SLCO3A1: variants seen among roughly 807,000 people sequenced by gnomAD.
SLCO3A1 encodes the protein solute carrier organic anion transporter family member 3A1.
Under a neutral mutation model 63.1 loss-of-function variants are expected in SLCO3A1, and 27 were observed. That is an observed-to-expected ratio of 0.43 (90% CI 0.32 to 0.59). The LOEUF (loss-of-function observed/expected upper bound fraction) is 0.59. Among genes scored for constraint, SLCO3A1 ranks in the 20% least tolerant of loss-of-function variants. The pLI is 0.09. For synonymous variants in SLCO3A1, 473 were observed against 409.9 expected, an observed-to-expected ratio of 1.15 and a Z score of -1.86; for missense variants, 773 against 945.8, an observed-to-expected ratio of 0.82 and a Z score of 2.40.
At chr15:92,144,733 C>T (rs967353752) in intron 7 of SLCO3A1, among the ~76,000 whole-genome samples, 1 of 152,178 alleles carries the variant, frequency 6.6e-6, no homozygotes, top group South Asian at 2.1e-4. Flanking sequence ...TGCAGGAAAG[C>T]GAATTCGGGG....
rs1293946751 is a variant in SLCO3A1 at position 91,897,962 on chromosome 15, C to T, written c.181-18031C>T. Among the ~76,000 whole-genome samples the T allele has an allele frequency of 6.6e-6, 1 of 152,200 alleles. No homozygotes were observed. Among genetic ancestry groups the T allele is most frequent in the African/African-American group, 2.4e-5 (1 of 41,442 alleles). On this transcript the variant is annotated intron_variant, in intron 1 of 9. Coordinates refer to ENST00000318445, the MANE Select transcript of SLCO3A1 (RefSeq NM_013272.4). The surrounding 1 kb of genome is among the most constrained non-coding windows in gnomAD (Gnocchi z 4.7). Reference sequence around the variant, plus strand: ...CGGGGTTTTTAAATTAGAAAGATATCATGAGATGCAGAAAGCAGGTGCTCA... The same window carrying T: ...CGGGGTTTTTAAATTAGAAAGATATTATGAGATGCAGAAAGCAGGTGCTCA...
At chr15:92,096,206 A>G (rs2151538160) in intron 3 of SLCO3A1, among the ~76,000 whole-genome samples, 1 of 152,262 alleles carries the variant, frequency 6.6e-6, no homozygotes, top group South Asian at 2.1e-4. Flanking sequence ...CCATGGGCCC[A>G]CAGGAGGGGA....
At chr15:91,907,343 T>C (rs368113520) in intron 1 of SLCO3A1, among the ~76,000 whole-genome samples, 107 of 152,046 alleles carry the variant, frequency 7.0e-4, no homozygotes, top group African/African-American at 2.5e-3. Context: ...GTAGCTGGGA[T>C]TACAGGCACC....
rs1249864769 is a variant in SLCO3A1, at chr15:92,150,945, C to T, written c.1689-5C>T. On this transcript the variant is annotated splice_region_variant and splice_polypyrimidine_tract_variant and intron_variant, in intron 8 of 9. Transcript: ENST00000318445. ...TTTTTTTTCTCTTCATCTCTTTGCA[C>T]GTAGGACAGTCAGCCCTGAACTCAA... 3 of 1,604,452 alleles carry T rather than the reference C, an allele frequency of 1.9e-6. No homozygotes were observed. The highest frequency in any genetic ancestry group is 2.2e-5 in the East Asian group (1 of 44,752).
intron 4 of SLCO3A1, among the ~76,000 whole-genome samples, chr15:92,114,282 T>A (rs934754400): frequency 4.6e-5 from 7 of 152,360 alleles, no homozygotes; most frequent in Non-Finnish European, 1.0e-4. Flanking sequence ...TACGAGGCTA[T>A]AACAGTTACC....
chr15:92,019,997 A>C (rs1488418542), intron 2 of SLCO3A1, among the ~76,000 whole-genome samples: 1 of 152,170 alleles, frequency 6.6e-6, no homozygotes, highest in Non-Finnish European at 1.5e-5. Context: ...CGACATGGAT[A>C]CAGAGCCCTG....
At chr15:92,075,145 C>T (rs571712347) in intron 2 of SLCO3A1, among the ~76,000 whole-genome samples, 2 of 152,324 alleles carry the variant, frequency 1.3e-5, no homozygotes, top group African/African-American at 4.8e-5. Flanking sequence ...TCCTTGTCAC[C>T]TGCTATCTTA....
At chr15:91,994,794 C>T (rs889058997) in intron 2 of SLCO3A1, among the ~76,000 whole-genome samples, 3 of 152,232 alleles carry the variant, frequency 2.0e-5, no homozygotes, top group Non-Finnish European at 2.9e-5. Context: ...GAGTTCCCTT[C>T]CCTTGCTCTG....
intron 2 of SLCO3A1, among the ~76,000 whole-genome samples, chr15:92,058,732 A>G (rs983790875): frequency 3.9e-5 from 6 of 152,190 alleles, no homozygotes; most frequent in Non-Finnish European, 7.4e-5. Context: ...TCACAGTCCT[A>G]GAAGCCAGAA....
intron 3 of SLCO3A1, among the ~76,000 whole-genome samples, chr15:92,103,728 C>T (rs1340704021): frequency 6.6e-6 from 1 of 151,948 alleles, no homozygotes; most frequent in Admixed American, 6.6e-5. Flanking sequence ...AAACCACTGG[C>T]CTAGGGTCAC....
intron 2 of SLCO3A1, among the ~76,000 whole-genome samples, chr15:92,027,308 C>T (rs995607384): frequency 1.3e-5 from 2 of 152,234 alleles, no homozygotes; most frequent in Admixed American, 6.5e-5. Context: ...TTCTAAACAA[C>T]ACCACATTGC....
intron 8 of SLCO3A1, chr15:92,149,889 C>T (rs2048281401): frequency 6.6e-6 from 1 of 152,118 alleles, no homozygotes; most frequent in Non-Finnish European, 1.5e-5. Context: ...TCTTTCAAGT[C>T]AGTGCTTTCA....
At position 91,894,448 on chromosome 15, in the gene SLCO3A1, C is replaced by G. The variant is rs549870638; in HGVS notation, c.181-21545C>G. On this transcript the variant is annotated intron_variant, in intron 1 of 9. Transcript: ENST00000318445. This position sits in a 1 kb window ranked among gnomAD's most constrained non-coding sequence, Gnocchi z 4.8. ...GTATCTCAGGTGAGGGGTTGATGGT[C>G]GCCAGGTCATAGGTGGTAGCAGTGG... is the stretch of plus-strand genomic sequence containing the variant. Among the ~76,000 whole-genome samples the G allele has an allele frequency of 6.6e-6, 1 of 152,034 alleles. No homozygotes were observed. The highest frequency in any genetic ancestry group is 2.1e-4 in the South Asian group (1 of 4,802).
In SLCO3A1 at chr15:91,900,831, T is replaced by G. The variant is rs1471505594; in HGVS notation, c.181-15162T>G. Among the ~76,000 whole-genome samples, 1 of 152,244 alleles carries G rather than the reference T, an allele frequency of 6.6e-6. No individual in the cohort carries two copies. The highest frequency in any genetic ancestry group is 1.5e-5 in the Non-Finnish European group (1 of 68,042). The stretch of plus-strand genomic sequence containing the variant: ...AGTTGTTTGTCATTTTACTGTTGAT[T>G]TGTAAGGTTGGTAGGTAGTTTTGTT... On this transcript the variant is annotated intron_variant, in intron 1 of 9. Coordinates refer to ENST00000318445, the MANE Select transcript of SLCO3A1 (RefSeq NM_013272.4). This position sits in a 1 kb window ranked among gnomAD's most constrained non-coding sequence, Gnocchi z 4.3.
chr15:92,145,223 G>C (rs750505394), intron 7 of SLCO3A1, among the ~76,000 whole-genome samples: 6 of 152,176 alleles, frequency 3.9e-5, no homozygotes, highest in Non-Finnish European at 7.3e-5. Context: ...AGTCAGCTGA[G>C]AGCGTGGGAG....
At chr15:92,042,882 T>C (rs2046816326) in intron 2 of SLCO3A1, among the ~76,000 whole-genome samples, 1 of 152,150 alleles carries the variant, frequency 6.6e-6, no homozygotes, top group African/African-American at 2.4e-5. Context: ...AGGTGATCTT[T>C]TAGGCCATAG....
At chr15:91,901,624 A>G (rs1898159421) in intron 1 of SLCO3A1, among the ~76,000 whole-genome samples, 1 of 152,166 alleles carries the variant, frequency 6.6e-6, no homozygotes, top group Non-Finnish European at 1.5e-5. Flanking sequence ...CGGATGTAGA[A>G]TTCTTGGTTG....
intron 2 of SLCO3A1, among the ~76,000 whole-genome samples, chr15:92,053,635 G>A (rs1013439557): frequency 1.3e-5 from 2 of 151,644 alleles, no homozygotes; most frequent in African/African-American, 4.9e-5. Flanking sequence ...GTACTGGTTA[G>A]GGGTTTTGTA....
chr15:92,057,906 A>C (rs1476932908), intron 2 of SLCO3A1, among the ~76,000 whole-genome samples: 5 of 152,226 alleles, frequency 3.3e-5, no homozygotes, highest in African/African-American at 4.8e-5. Flanking sequence ...TTATTAAACA[A>C]AGCCCAACTC....
Sources: gnomAD v4.1 joint callset for allele counts (sites outside exome capture counted in the v4.1 genomes callset) on GRCh38, gnomAD v4.1.1 for gene constraint, Gnocchi (gnomAD v3.1) non-coding constraint, MANE v1.5 for transcripts, NCBI Gene and HGNC (gene_info 2026-07-23, HGNC 2026-07-21) for gene names.